KIAA0825: variants seen among roughly 807,000 people sequenced by gnomAD.
KIAA0825 encodes KIAA0825.
Under a neutral mutation model 147.6 loss-of-function variants are expected in KIAA0825, and 119 were observed. That is an observed-to-expected ratio of 0.81 (90% CI 0.69 to 0.94). The LOEUF is 0.94. KIAA0825 is among the 40% of genes least tolerant of loss of function. The pLI, the probability that KIAA0825 is intolerant of heterozygous loss-of-function variation, is 0.00. For synonymous variants in KIAA0825, 470 were observed against 518.1 expected (o/e 0.91, Z 1.26); for missense variants, 1,381 against 1,472.7 (o/e 0.94, Z 1.02).
intron 20 of KIAA0825, among the ~76,000 whole-genome samples, chr5:94,327,049 T>C (rs538572079): frequency 5.5e-4 from 84 of 152,308 alleles, no homozygotes; most frequent in African/African-American, 1.9e-3. Flanking sequence ...GTGGTCTATA[T>C]AGAAGCTGAA....
At chr5:94,263,991 C>A (rs537684493) in intron 20 of KIAA0825, among the ~76,000 whole-genome samples, 7 of 152,288 alleles carry the variant, frequency 4.6e-5, no homozygotes, top group Admixed American at 6.5e-5. Context: ...TACCTTCTCA[C>A]CATAATGAAC....
At chr5:94,181,690 C>G (rs1769629640) in intron 20 of KIAA0825, among the ~76,000 whole-genome samples, 1 of 152,090 alleles carries the variant, frequency 6.6e-6, no homozygotes, top group African/African-American at 2.4e-5. Context: ...GAGAACAGGA[C>G]TACATCAAGG....
intron 20 of KIAA0825, among the ~76,000 whole-genome samples, chr5:94,371,128 G>A: frequency 6.6e-6 from 1 of 151,872 alleles, no homozygotes; most frequent in Middle Eastern, 3.4e-3. Context: ...ATTGCTTATA[G>A]TTTATTATAA....
At chr5:94,591,709 C>T (rs941113742) in intron 1 of KIAA0825, among the ~76,000 whole-genome samples, 3 of 152,084 alleles carry the variant, frequency 2.0e-5, no homozygotes, top group African/African-American at 7.2e-5. Context: ...TGTATTAGTG[C>T]ATTTTCACAC....
At chr5:94,337,430 G>A (rs1395370678) in intron 20 of KIAA0825, among the ~76,000 whole-genome samples, 2 of 151,966 alleles carry the variant, frequency 1.3e-5, no homozygotes, top group African/African-American at 4.8e-5. Context: ...TAAATCCTAG[G>A]TTAATTCTTC....
At chr5:94,611,740 G>T (rs529688393) in intron 1 of KIAA0825, among the ~76,000 whole-genome samples, 2 of 150,768 alleles carry the variant, frequency 1.3e-5, no homozygotes, top group East Asian at 4.0e-4. Flanking sequence ...CAGTACAGGA[G>T]TTTGAGACCA....
At chr5:94,289,484 G>A (rs1028860233) in intron 20 of KIAA0825, among the ~76,000 whole-genome samples, 22 of 147,970 alleles carry the variant, frequency 1.5e-4, no homozygotes, top group African/African-American at 4.7e-4. Flanking sequence ...GCAGTGAGCC[G>A]AGATGGCACC....
intron 1 of KIAA0825, among the ~76,000 whole-genome samples, chr5:94,588,585 T>TGATGGGA (rs1783762598): frequency 6.6e-6 from 1 of 152,236 alleles, no homozygotes; most frequent in African/African-American, 2.4e-5. Context: ...TTTACACTAT[T>TGATGGGA]GATGGGAGTG....
chr5:94,402,633 C>T (rs763008480), intron 16 of KIAA0825, among the ~76,000 whole-genome samples: 2 of 151,764 alleles, frequency 1.3e-5, no homozygotes, highest in South Asian at 4.2e-4. Context: ...CTTCAATTGA[C>T]TTTAGTGAGT....
chr5:94,293,490 T>G (rs538014438), intron 20 of KIAA0825, among the ~76,000 whole-genome samples: 1 of 152,356 alleles, frequency 6.6e-6, no homozygotes, highest in South Asian at 2.1e-4. Context: ...TTGTTATGAT[T>G]TCCATTCTTT....
chr5:94,169,989 C>T (rs1768449729), intron 20 of KIAA0825, among the ~76,000 whole-genome samples: 1 of 152,140 alleles, frequency 6.6e-6, no homozygotes, highest in African/African-American at 2.4e-5. Flanking sequence ...TGCTCTTACC[C>T]ATAAGGGTAC....
chr5:94,158,398 A>G (rs922141091), intron 20 of KIAA0825, among the ~76,000 whole-genome samples: 2 of 152,092 alleles, frequency 1.3e-5, no homozygotes, highest in Admixed American at 6.6e-5. Context: ...CTGCCTCCGT[A>G]TGGGGAAACA....
chr5:94,439,146 A>T (rs2150833465), intron 14 of KIAA0825, among the ~76,000 whole-genome samples: 1 of 152,286 alleles, frequency 6.6e-6, no homozygotes. Context: ...AAAGGTTAGA[A>T]AACTATTCTG....
intron 20 of KIAA0825, among the ~76,000 whole-genome samples, chr5:94,300,921 C>T (rs1173446691): frequency 2.0e-5 from 3 of 152,106 alleles, no homozygotes; most frequent in African/African-American, 4.8e-5. Flanking sequence ...TGAGTCAGTA[C>T]ACTTGCTGAC....
chr5:94,307,282 C>G (rs1487739650), intron 20 of KIAA0825, among the ~76,000 whole-genome samples: 1 of 151,714 alleles, frequency 6.6e-6, no homozygotes, highest in Non-Finnish European at 1.5e-5. Context: ...TGCTTCTTCC[C>G]TTGTGCCTGA....
Position 94,359,961 on chromosome 5 carries a change from T to C in KIAA0825, c.3710+24407A>G, listed in dbSNP as rs145399109. Reference sequence around the variant, plus strand: ...AATTGATTACAGCGCTACAGAAAAATCACTATTCTCCTGGAGTTTACACTC... The same window carrying C: ...AATTGATTACAGCGCTACAGAAAAACCACTATTCTCCTGGAGTTTACACTC... On this transcript the variant is annotated intron_variant, in intron 20 of 20. Coordinates refer to ENST00000682413, the MANE Select transcript of KIAA0825 (RefSeq NM_001145678.3). 7.7e-4 allele frequency among the ~76,000 whole-genome samples: 117 copies of C among 152,300 alleles called. 3 individuals are homozygous for C. In the South Asian group the frequency reaches 0.021, roughly 27 times the overall value.
chr5:94,281,311 C>T (rs376977861), intron 20 of KIAA0825, among the ~76,000 whole-genome samples: 1 of 151,486 alleles, frequency 6.6e-6, no homozygotes, highest in Non-Finnish European at 1.5e-5. Context: ...AAGAAAGTGG[C>T]ATGAATGAAA....
intron 3 of KIAA0825, among the ~76,000 whole-genome samples, chr5:94,533,269 T>C (rs954103393): frequency 9.8e-5 from 12 of 122,476 alleles, no homozygotes; most frequent in South Asian, 2.8e-4. Flanking sequence ...TGAGCCACTG[T>C]GCCCGGCCTT....
intron 20 of KIAA0825, among the ~76,000 whole-genome samples, chr5:94,234,215 C>G (rs992791158): frequency 1.3e-5 from 2 of 150,990 alleles, no homozygotes; most frequent in African/African-American, 2.4e-5. Flanking sequence ...AAAAAAAATA[C>G]AAAAAATTAG....
Sources: gnomAD v4.1 joint callset for allele counts (sites outside exome capture counted in the v4.1 genomes callset) on GRCh38, gnomAD v4.1.1 for gene constraint, MANE v1.5 for transcripts, NCBI Gene and HGNC (gene_info 2026-07-23, HGNC 2026-07-21) for gene names.